Variants in BCAS3 observed in about 807,000 individuals in gnomAD.
BCAS3 encodes BCAS4/BCAS3 fusion.
In BCAS3, 53 loss-of-function variants were observed where a neutral mutation model predicts 116.1. That is an observed-to-expected ratio of 0.46 (90% CI 0.37 to 0.57). The LOEUF is 0.57. Among genes scored for constraint, BCAS3 ranks in the 20% least tolerant of loss-of-function variants. BCAS3 has a pLI of 0.00. For synonymous variants in BCAS3, 391 were observed against 408.2 expected (o/e 0.96, Z 0.51); for missense variants, 917 against 1,165.4 (o/e 0.79, Z 3.10).
intron 22 of BCAS3, among the ~76,000 whole-genome samples, chr17:61,094,567 G>C (rs942194438): frequency 6.6e-6 from 1 of 152,140 alleles, no homozygotes; most frequent in African/African-American, 2.4e-5. Flanking sequence ...ACATTTCTCG[G>C]CCGGACACGA....
chr17:61,369,707 G>A (rs775804089), intron 23 of BCAS3, among the ~76,000 whole-genome samples: 3 of 152,198 alleles, frequency 2.0e-5, no homozygotes, highest in Non-Finnish European at 4.4e-5. Context: ...GGATGGAAAC[G>A]ATAGGTGCAA....
At chr17:61,110,817 T>C (rs1186173463) in intron 22 of BCAS3, among the ~76,000 whole-genome samples, 1 of 152,102 alleles carries the variant, frequency 6.6e-6, no homozygotes, top group Non-Finnish European at 1.5e-5. Context: ...AAGACAGCAG[T>C]AACCTCTGCA....
At chr17:61,207,849 A>G (rs1173574582) in intron 22 of BCAS3, among the ~76,000 whole-genome samples, 1 of 152,114 alleles carries the variant, frequency 6.6e-6, no homozygotes, top group East Asian at 1.9e-4. Context: ...AGGTACATAT[A>G]TATTTGTGTG....
chr17:61,231,643 G>C (rs1243351352), intron 22 of BCAS3, among the ~76,000 whole-genome samples: 2 of 152,102 alleles, frequency 1.3e-5, no homozygotes, highest in Non-Finnish European at 2.9e-5. Context: ...TTAGGAGGAT[G>C]AGGCAGGAAG....
At chr17:60,877,992 C>A (rs886143717) in intron 9 of BCAS3, among the ~76,000 whole-genome samples, 3 of 150,840 alleles carry the variant, frequency 2.0e-5, no homozygotes, top group South Asian at 2.1e-4. Context: ...TGTATATAAG[C>A]CCAGTAATGT....
At chr17:60,706,972 G>A (rs557725135) in intron 4 of BCAS3, among the ~76,000 whole-genome samples, 104 of 151,618 alleles carry the variant, frequency 6.9e-4, no homozygotes, top group Non-Finnish European at 1.2e-3. Flanking sequence ...TTTTCACCAA[G>A]CCCAGCTAAT....
At chr17:60,951,337 C>T (rs1396647264) in intron 14 of BCAS3, among the ~76,000 whole-genome samples, 1 of 151,914 alleles carries the variant, frequency 6.6e-6, no homozygotes, top group Non-Finnish European at 1.5e-5. Flanking sequence ...TTTATTTTGA[C>T]TTCATTGTTT....
At chr17:61,149,343 G>A (rs577277785) in intron 22 of BCAS3, among the ~76,000 whole-genome samples, 2 of 152,208 alleles carry the variant, frequency 1.3e-5, no homozygotes, top group South Asian at 4.1e-4. Context: ...ACTTAGGCAA[G>A]AAGATTATTC....
chr17:61,194,653 T>C (rs554699546), intron 22 of BCAS3, among the ~76,000 whole-genome samples: 36 of 149,506 alleles, frequency 2.4e-4, no homozygotes, highest in Non-Finnish European at 4.1e-4. Flanking sequence ...GGCAGGAGAA[T>C]CACTTAAACC....
intron 14 of BCAS3, among the ~76,000 whole-genome samples, chr17:60,980,979 A>G (rs1047186234): frequency 1.3e-5 from 2 of 152,060 alleles, no homozygotes; most frequent in African/African-American, 4.8e-5. Context: ...AACTACAGGC[A>G]TGTGCCACCA....
chr17:61,329,738 G>C (rs920299670), intron 22 of BCAS3, among the ~76,000 whole-genome samples: 1 of 152,102 alleles, frequency 6.6e-6, no homozygotes, highest in Non-Finnish European at 1.5e-5. Context: ...AATAGCTCCG[G>C]GTGAGGGTGA....
At position 61,211,813 on chromosome 17, in the gene BCAS3, A is replaced by G. The variant is rs2081475350; in HGVS notation, c.2425+127249A>G. ...AAGGTCCAGAGTATGTTTACTGGGT[A>G]AAATATTTCAGGCATAGACTTGGAG... On this transcript the variant is annotated intron_variant, in intron 22 of 23. Coordinates refer to ENST00000407086, the MANE Select transcript of BCAS3 (RefSeq NM_017679.5). This position sits in a 1 kb window ranked among gnomAD's most constrained non-coding sequence, Gnocchi z 4.4. 1.3e-5 allele frequency among the ~76,000 whole-genome samples: 2 copies of G among 152,224 alleles called. No homozygotes were observed. The highest frequency in any genetic ancestry group is 2.4e-5 in the African/African-American group (1 of 41,458).
At chr17:60,982,250 G>A (rs1372664143) in intron 14 of BCAS3, among the ~76,000 whole-genome samples, 1 of 151,976 alleles carries the variant, frequency 6.6e-6, no homozygotes, top group African/African-American at 2.4e-5. Flanking sequence ...CAAAATATCT[G>A]CTTGCTATTG....
rs539404483 is a variant in BCAS3, at chr17:61,158,982, C to T, written c.2425+74418C>T. Reference sequence around the variant, plus strand: ...TTCACACAATTTAACATCAACAACTCAAAATATATGTAATCATAATTTTTC... The same window carrying T: ...TTCACACAATTTAACATCAACAACTTAAAATATATGTAATCATAATTTTTC... On this transcript the variant is annotated intron_variant, in intron 22 of 23. Transcript: ENST00000407086. 5.9e-5 allele frequency among the ~76,000 whole-genome samples: 9 copies of T among 152,288 alleles called. No individual in the cohort carries two copies. In the East Asian group the frequency reaches 1.7e-3, roughly 29 times the overall value.
At position 61,122,774 on chromosome 17, in the gene BCAS3, T is replaced by C. The variant is rs2075849690; in HGVS notation, c.2425+38210T>C. On this transcript the variant is annotated intron_variant, in intron 22 of 23. Transcript: ENST00000407086. The surrounding 1 kb of genome is among the most constrained non-coding windows in gnomAD (Gnocchi z 4.6). ...AAAAATAAATTCAAGAATATGTATATATGATGTTCATATATTTAGCATCTG... is the reference window on the plus strand; with the variant it reads ...AAAAATAAATTCAAGAATATGTATACATGATGTTCATATATTTAGCATCTG... 6.6e-6 allele frequency among the ~76,000 whole-genome samples: 1 copy of C among 152,194 alleles called. No individual in the cohort carries two copies. Among genetic ancestry groups the C allele is most frequent in the Non-Finnish European group, 1.5e-5 (1 of 68,038 alleles).
Position 61,380,395 on chromosome 17 carries a change from C to A in BCAS3, c.2594-11582C>A. 2 of 974,846 alleles carry A rather than the reference C, an allele frequency of 2.1e-6. No homozygotes were observed. Among genetic ancestry groups the A allele is most frequent in the Non-Finnish European group, 3.1e-6 (2 of 636,728 alleles). The allele number at this position is 974,846 out of a possible 1,614,324, so 60.4% of individuals were successfully genotyped here. A position where few individuals can be genotyped will look rare whatever the true frequency, so the allele number is the denominator to read the frequency against. On this transcript the variant is annotated intron_variant, in intron 23 of 23. Coordinates refer to ENST00000407086, the MANE Select transcript of BCAS3 (RefSeq NM_017679.5). This position sits in a 1 kb window ranked among gnomAD's most constrained non-coding sequence, Gnocchi z 4.2. ...ACCATGAACACCCCCGCAAAGCTCT[C>A]AGTGGTCAAACCAGATTTGGGTATC...
chr17:60,822,140 G>A (rs1188416775), intron 7 of BCAS3, among the ~76,000 whole-genome samples: 1 of 152,146 alleles, frequency 6.6e-6, no homozygotes, highest in African/African-American at 2.4e-5. Flanking sequence ...CAAGTAGAAT[G>A]GTTAGATCAC....
intron 22 of BCAS3, among the ~76,000 whole-genome samples, chr17:61,340,613 T>C (rs2143228078): frequency 6.6e-6 from 1 of 152,266 alleles, no homozygotes; most frequent in South Asian, 2.1e-4. Context: ...TCCTCCCTGC[T>C]GTGAGTCGCT....
At position 60,947,352 on chromosome 17, in the gene BCAS3, A is replaced by T. The variant is rs1279735036; in HGVS notation, c.1221A>T (p.Lys407Asn). ...TTCACAGGGGAGAAACTGAAGCCAAAGTAAGCTGTATAATTTTTCAGAAGG... is the reference window on the plus strand; with the variant it reads ...TTCACAGGGGAGAAACTGAAGCCAATGTAAGCTGTATAATTTTTCAGAAGG... Reference protein sequence around the residue: ...YTLHRGETEAKVQDICFSHDC... With the variant: ...YTLHRGETEANVQDICFSHDC... Residue 407 changes from lysine (K) to asparagine (N), a missense_variant and splice_region_variant, in exon 14 of 24, where the codon AAA becomes AAT. Coordinates refer to ENST00000407086, the MANE Select transcript of BCAS3 (RefSeq NM_017679.5). 9.3e-6 allele frequency: 15 copies of T among 1,612,502 alleles called. No homozygotes were observed. Among genetic ancestry groups the T allele is most frequent in the African/African-American group, 1.3e-5 (1 of 74,884 alleles).
Sources: allele counts gnomAD v4.1 joint callset (sites outside exome capture counted in the v4.1 genomes callset), GRCh38; gene constraint gnomAD v4.1.1; non-coding constraint Gnocchi (gnomAD v3.1); transcripts MANE v1.5; gene names NCBI Gene and HGNC (gene_info 2026-07-23, HGNC 2026-07-21).